The following AFAP1 variants were observed in gnomAD, a reference collection of about 807,000 sequenced individuals.
AFAP1 encodes the protein actin filament associated protein 1.
A neutral mutation model predicts 93.9 loss-of-function variants in AFAP1; 75 were observed. The observed-to-expected ratio is 0.80, with a 90% CI of 0.66 to 0.97. The LOEUF is 0.97. Ranked by LOEUF, AFAP1 falls within the 50% of genes least tolerant of loss-of-function variation. The pLI, the probability that AFAP1 is intolerant of heterozygous loss-of-function variation, is 0.00. For missense variants in AFAP1, 1,201 were observed against 1,050.8 expected (o/e 1.14, Z -1.98); for synonymous variants, 517 against 430.7 (o/e 1.20, Z -2.48).
chr4:7,795,707 C>A (rs771633256), intron 10 of AFAP1, among the ~76,000 whole-genome samples: 1 of 151,542 alleles, frequency 6.6e-6, no homozygotes, highest in Non-Finnish European at 1.5e-5. Flanking sequence ...TTACAGCACC[C>A]GGCAAACAAA....
chr4:7,763,825 G>C, intron 17 of AFAP1, 34 bp from the exon 18 acceptor site: 2 of 1,551,052 alleles, frequency 1.3e-6, no homozygotes, highest in Non-Finnish European at 1.7e-6. Flanking sequence ...AGTGGACAGG[G>C]CAAGAGGATC....
chr4:7,899,969 G>A (rs765121336), intron 1 of AFAP1, among the ~76,000 whole-genome samples: 5 of 152,116 alleles, frequency 3.3e-5, no homozygotes, highest in African/African-American at 4.8e-5. Context: ...ACTCAGGTGC[G>A]TTTTGGTTAC....
intron 10 of AFAP1, among the ~76,000 whole-genome samples, chr4:7,798,676 C>T (rs1718721280): frequency 6.6e-6 from 1 of 152,220 alleles, no homozygotes; most frequent in Non-Finnish European, 1.5e-5. Context: ...TCAGCTCTCT[C>T]AAGGAATAAG....
intron 1 of AFAP1, among the ~76,000 whole-genome samples, chr4:7,886,871 C>T (rs1328249096): frequency 1.3e-5 from 2 of 152,154 alleles, no homozygotes; most frequent in Admixed American, 6.5e-5. Flanking sequence ...CAGTGTTTCC[C>T]TTCCATTTAC....
intron 11 of AFAP1, chr4:7,788,694 C>T (rs1206637601): frequency 6.6e-6 from 1 of 152,118 alleles, no homozygotes; most frequent in African/African-American, 2.4e-5. Context: ...TAATTAAATG[C>T]CTCATTGGAA....
intron 4 of AFAP1, among the ~76,000 whole-genome samples, chr4:7,848,116 G>C (rs11731490): frequency 0.32 from 42,320 of 132,284 alleles, 8,280 homozygotes; most frequent in Non-Finnish European, 0.44. Context: ...AGGAAGGAAG[G>C]AAGGAAGGAA....
chr4:7,829,104 T>C (rs1162622146), intron 6 of AFAP1, among the ~76,000 whole-genome samples: 1 of 152,194 alleles, frequency 6.6e-6, no homozygotes. Context: ...CGTGTTTGCT[T>C]CCCCTTCTGC....
chr4:7,863,805 A>G (rs79477362), intron 3 of AFAP1, among the ~76,000 whole-genome samples: 14,770 of 152,280 alleles, frequency 0.097, 931 homozygotes, highest in African/African-American at 0.18. Context: ...ACAAAACACT[A>G]TAACAAAAGG....
intron 9 of AFAP1, among the ~76,000 whole-genome samples, chr4:7,802,005 C>G (rs1719093041): frequency 1.4e-5 from 2 of 144,932 alleles, no homozygotes; most frequent in Non-Finnish European, 1.5e-5. Flanking sequence ...CTTTTATGTT[C>G]TCAATCTTAC....
rs543991662 is a variant in AFAP1 at position 7,890,004 on chromosome 4, TAAA to T, written c.-2-17927_-2-17925del. Among the ~76,000 whole-genome samples, 723 of 100,336 alleles carry T rather than the reference TAAA, an allele frequency of 7.2e-3. 5 individuals carry two copies. The highest frequency in any genetic ancestry group is 0.025 in the African/African-American group (621 of 25,294). 65.8% of individuals were successfully genotyped at this position (100,336 alleles called of 152,430 possible). ...TCAAGATCCCAGGAGCAATTTTTGT[TAAA>T]AAAAAAAAAAAAAAAAAGAAGCCAA... On this transcript the variant is annotated intron_variant, in intron 1 of 17. Transcript: ENST00000420658.
chr4:7,820,376 G>T (rs1029183733), intron 6 of AFAP1, among the ~76,000 whole-genome samples: 1 of 152,208 alleles, frequency 6.6e-6, no homozygotes, highest in African/African-American at 2.4e-5. Flanking sequence ...CTGGCAAAAG[G>T]ATGATGCTCA....
In AFAP1 at chr4:7,773,023, G is replaced by C. The variant is rs916827722; in HGVS notation, c.2063-13C>G. On this transcript the variant is annotated splice_polypyrimidine_tract_variant and intron_variant, in intron 15 of 17. Coordinates refer to ENST00000420658, the MANE Select transcript of AFAP1 (RefSeq NM_001134647.2). ...TGCGGCTTCCTGCCTGGAATTCCCA[G>C]AAACGCCGTTACTCCCGCGGCAGGC... is the stretch of plus-strand genomic sequence containing the variant. The C allele has an allele frequency of 1.2e-6, 2 of 1,604,712 alleles. No homozygotes were observed. Among genetic ancestry groups the C allele is most frequent in the Non-Finnish European group, 1.7e-6 (2 of 1,179,198 alleles).
At chr4:7,852,584 A>G (rs757810703) in intron 4 of AFAP1, among the ~76,000 whole-genome samples, 1 of 152,142 alleles carries the variant, frequency 6.6e-6, no homozygotes, top group Non-Finnish European at 1.5e-5. Context: ...CAGAAGTGCT[A>G]CTGAAGGTCC....
intron 1 of AFAP1, among the ~76,000 whole-genome samples, chr4:7,906,527 G>C (rs544039878): frequency 6.6e-5 from 10 of 152,260 alleles, no homozygotes; most frequent in African/African-American, 2.2e-4. Flanking sequence ...TCTAGGCTTC[G>C]AGAGCCTCAG....
At chr4:7,766,968 G>A (rs573829672) in intron 17 of AFAP1, among the ~76,000 whole-genome samples, 2 of 151,984 alleles carry the variant, frequency 1.3e-5, no homozygotes, top group East Asian at 1.9e-4. Context: ...TCCGGAATAC[G>A]TCAGACCCCT....
rs1376425725 is a variant in AFAP1 at position 7,758,730 on chromosome 4, ATTCATACAC to A, written c.*5026_*5034del. The A allele has an allele frequency of 2.0e-5, 3 of 152,164 alleles. No homozygotes were observed. In the East Asian group the frequency reaches 5.8e-4, roughly 29 times the overall value. 9.4% of individuals were successfully genotyped at this position (152,164 alleles called of 1,614,324 possible). A position where few individuals can be genotyped will look rare whatever the true frequency, so the allele number is the denominator to read the frequency against. ...CACCGGGGCTGGGGGAGAGAAGTTT[ATTCATACAC>A]AAAGGGGCACGCCAAGGGCGCCAGT... On this transcript the variant is annotated 3_prime_UTR_variant, in exon 18 of 18. Coordinates refer to ENST00000420658, the MANE Select transcript of AFAP1 (RefSeq NM_001134647.2).
chr4:7,778,369 G>A, intron 14 of AFAP1: 1 of 299,496 alleles, frequency 3.3e-6, no homozygotes, highest in Non-Finnish European at 6.4e-6. Flanking sequence ...GGAGCCACGT[G>A]TCTACGTCTG....
intron 13 of AFAP1, 101 bp from the exon 14 acceptor site, chr4:7,778,977 T>C (rs923964677): frequency 3.2e-5 from 29 of 897,736 alleles, no homozygotes; most frequent in Non-Finnish European, 4.8e-5. Flanking sequence ...CTCTAAGTAT[T>C]GTAGAAACTG....
chr4:7,920,305 G>C (rs1477384157), intron 1 of AFAP1, among the ~76,000 whole-genome samples: 1 of 152,076 alleles, frequency 6.6e-6, no homozygotes, highest in Non-Finnish European at 1.5e-5. Flanking sequence ...TTAATTCCTA[G>C]ATCATAAATA....
Sources: gnomAD v4.1 joint callset for allele counts (sites outside exome capture counted in the v4.1 genomes callset) on GRCh38, gnomAD v4.1.1 for gene constraint, MANE v1.5 for transcripts, NCBI Gene and HGNC (gene_info 2026-07-23, HGNC 2026-07-21) for gene names.